Variants in B3GALT1 observed in about 807,000 individuals in gnomAD.
The protein encoded by B3GALT1 is beta-1,3-galactosyltransferase 1.
B3GALT1 carries 10 observed loss-of-function variants against 23.2 expected under a neutral mutation model. The observed-to-expected ratio is 0.43, with a 90% CI of 0.27 to 0.73. The LOEUF (loss-of-function observed/expected upper bound fraction) is 0.73. Among genes scored for constraint, B3GALT1 ranks in the 30% least tolerant of loss-of-function variants. The pLI is 0.21. For missense variants in B3GALT1, 299 were observed against 405.4 expected (o/e 0.74, Z 2.25); for synonymous variants, 156 against 141.5 (o/e 1.10, Z -0.73).
intron 1 of B3GALT1, among the ~76,000 whole-genome samples, chr2:167,352,272 TTTTTTTTG>T (rs1212926947): frequency 0.27 from 5,090 of 19,132 alleles, 279 homozygotes; most frequent in African/African-American, 0.3. Flanking sequence ...TGGCCTGTTT[TTTTTTTTG>T]TTTTTTTTTT....
At chr2:167,353,594 G>C (rs1360517667) in intron 1 of B3GALT1, among the ~76,000 whole-genome samples, 1 of 152,134 alleles carries the variant, frequency 6.6e-6, no homozygotes, top group East Asian at 1.9e-4. Flanking sequence ...TCAGCTAACA[G>C]AGCAAGTACA....
At chr2:167,570,139 C>A (rs1455005100) in intron 2 of B3GALT1, among the ~76,000 whole-genome samples, 1 of 151,674 alleles carries the variant, frequency 6.6e-6, no homozygotes, top group East Asian at 1.9e-4. Context: ...CTTACATTGT[C>A]TTTCTCAGTT....
chr2:167,351,996 T>C lies in B3GALT1; in HGVS notation c.-511+58662T>C, dbSNP rs1229114664. ...TTTTTTTTGAGTCAGAGTCTTGCTC[T>C]GTCACCAGGCTGGAGTGTAGTGGCA... is the stretch of plus-strand genomic sequence containing the variant. On this transcript the variant is annotated intron_variant, in intron 1 of 4. Coordinates refer to ENST00000392690, the MANE Select transcript of B3GALT1 (RefSeq NM_020981.4). 2.0e-5 allele frequency among the ~76,000 whole-genome samples: 3 copies of C among 148,688 alleles called. No individual in the cohort carries two copies. In the East Asian group the frequency reaches 6.0e-4, roughly 29 times the overall value.
At chr2:167,821,953 T>C (rs1689116773) in intron 4 of B3GALT1, among the ~76,000 whole-genome samples, 3 of 152,148 alleles carry the variant, frequency 2.0e-5, no homozygotes, top group African/African-American at 7.2e-5. Flanking sequence ...GGATCTAAAA[T>C]TAAAATTGTA....
In B3GALT1 at chr2:167,871,912, T is replaced by TTC. The variant is rs1281232435; in HGVS notation, c.*1893_*1894insCT. 3 of 136,054 alleles carry TTC rather than the reference T, an allele frequency of 2.2e-5. No homozygotes were observed. Among genetic ancestry groups the TTC allele is most frequent in the Non-Finnish European group, 4.8e-5 (3 of 62,926 alleles). 8.4% of individuals were successfully genotyped at this position (136,054 alleles called of 1,614,324 possible). A position where few individuals can be genotyped will look rare whatever the true frequency, so the allele number is the denominator to read the frequency against. On this transcript the variant is annotated 3_prime_UTR_variant, in exon 5 of 5. Coordinates refer to ENST00000392690, the MANE Select transcript of B3GALT1 (RefSeq NM_020981.4). Reference sequence around the variant, plus strand: ...TTTACTTTTTTTTTTTTTTTTTTTTTTTTTTTTGAGACGGAGTCTAGCTCT... The same window carrying TTC: ...TTTACTTTTTTTTTTTTTTTTTTTTTTCTTTTTTTGAGACGGAGTCTAGCTCT...
intron 1 of B3GALT1, among the ~76,000 whole-genome samples, chr2:167,485,123 C>T (rs1169572330): frequency 6.6e-6 from 1 of 152,066 alleles, no homozygotes; most frequent in Non-Finnish European, 1.5e-5. Flanking sequence ...ACTTTGGAAT[C>T]CTCTTGGCCA....
At chr2:167,311,527 C>T (rs924069804) in intron 1 of B3GALT1, among the ~76,000 whole-genome samples, 56 of 151,938 alleles carry the variant, frequency 3.7e-4, no homozygotes, top group Admixed American at 3.2e-3. Context: ...AATGTAGATG[C>T]ACCAGGACTT....
intron 4 of B3GALT1, among the ~76,000 whole-genome samples, chr2:167,839,798 C>T (rs1226871988): frequency 2.6e-4 from 39 of 152,186 alleles, no homozygotes; most frequent in Non-Finnish European, 5.0e-4. Flanking sequence ...GCTACAGTAA[C>T]CAAAACAGCA....
At chr2:167,777,529 G>A (rs1308607924) in intron 3 of B3GALT1, among the ~76,000 whole-genome samples, 1 of 152,078 alleles carries the variant, frequency 6.6e-6, no homozygotes, top group Non-Finnish European at 1.5e-5. Flanking sequence ...TGTGTTTTCA[G>A]TAGAGACGTG....
At chr2:167,470,270 G>A (rs941655651) in intron 1 of B3GALT1, among the ~76,000 whole-genome samples, 2 of 152,082 alleles carry the variant, frequency 1.3e-5, no homozygotes. Context: ...ATTTTCTACT[G>A]TCAGATCATT....
At chr2:167,537,174 G>T (rs1161502692) in intron 2 of B3GALT1, among the ~76,000 whole-genome samples, 1 of 152,090 alleles carries the variant, frequency 6.6e-6, no homozygotes, top group Non-Finnish European at 1.5e-5. Context: ...GGTCTTACCT[G>T]ATGGCAGGCA....
intron 3 of B3GALT1, among the ~76,000 whole-genome samples, chr2:167,696,896 T>C (rs1183055881): frequency 6.6e-6 from 1 of 152,180 alleles, no homozygotes; most frequent in Non-Finnish European, 1.5e-5. Context: ...TGGGCCTCTG[T>C]TTTATAATCT....
At chr2:167,460,654 G>A (rs1392042462) in intron 1 of B3GALT1, among the ~76,000 whole-genome samples, 1 of 151,530 alleles carries the variant, frequency 6.6e-6, no homozygotes, top group African/African-American at 2.4e-5. Flanking sequence ...ATACTTTCTG[G>A]TTTCTTTTTA....
At chr2:167,763,254 A>G (rs1558971428) in intron 3 of B3GALT1, among the ~76,000 whole-genome samples, 1 of 152,176 alleles carries the variant, frequency 6.6e-6, no homozygotes, top group Non-Finnish European at 1.5e-5. Flanking sequence ...AATAAATGCT[A>G]AAAGTATTCA....
At chr2:167,538,041 T>C (rs564076196) in intron 2 of B3GALT1, among the ~76,000 whole-genome samples, 1 of 152,258 alleles carries the variant, frequency 6.6e-6, no homozygotes, top group East Asian at 1.9e-4. Context: ...CAGGCTGGTA[T>C]TGAACTCCTG....
intron 1 of B3GALT1, among the ~76,000 whole-genome samples, chr2:167,362,597 C>T (rs1433592704): frequency 6.6e-6 from 1 of 152,008 alleles, no homozygotes; most frequent in Non-Finnish European, 1.5e-5. Flanking sequence ...TCCATGTCCC[C>T]GTTGTCTCTT....
intron 4 of B3GALT1, among the ~76,000 whole-genome samples, chr2:167,837,932 G>T (rs1216442918): frequency 6.6e-6 from 1 of 152,022 alleles, no homozygotes; most frequent in Non-Finnish European, 1.5e-5. Context: ...TGACTACTGG[G>T]TACATAACAA....
chr2:167,839,787 G>T (rs1278574831), intron 4 of B3GALT1, among the ~76,000 whole-genome samples: 6 of 152,018 alleles, frequency 3.9e-5, no homozygotes, highest in Admixed American at 3.9e-4. Flanking sequence ...TATACTACAA[G>T]GCTACAGTAA....
intron 3 of B3GALT1, among the ~76,000 whole-genome samples, chr2:167,796,177 C>T (rs1157170149): frequency 6.6e-6 from 1 of 152,122 alleles, no homozygotes; most frequent in Non-Finnish European, 1.5e-5. Flanking sequence ...ATGTGACTAA[C>T]TTGTCACATT....
Sources: allele counts gnomAD v4.1 joint callset (sites outside exome capture counted in the v4.1 genomes callset), GRCh38; gene constraint gnomAD v4.1.1; transcripts MANE v1.5; gene names NCBI Gene and HGNC (gene_info 2026-07-23, HGNC 2026-07-21).